Variants in OR2V2 observed in about 807,000 individuals in gnomAD.
OR2V2 encodes the protein olfactory receptor family 2 subfamily V member 2, also known as olfactory receptor 2V2.
For synonymous variants in OR2V2, 161 were observed against 151.3 expected (o/e 1.06, Z -0.47); for missense variants, 392 against 392.2 (o/e 1.00, Z 0.00).
At chr5:181,154,520 G>A (rs6879420) in intron 1 of OR2V2, among the ~76,000 whole-genome samples, 1 of 151,238 alleles carries the variant, frequency 6.6e-6, no homozygotes, top group African/African-American at 2.4e-5. Flanking sequence ...AACCCTGGAG[G>A]GGGAGGTTGC....
Position 181,155,057 on chromosome 5 carries a change from G to T in OR2V2, c.115G>T (p.Ala39Ser), listed in dbSNP as rs1763240648. The T allele has an allele frequency of 1.9e-6, 3 of 1,614,126 alleles. No homozygotes were observed. Among genetic ancestry groups the T allele is most frequent in the Non-Finnish European group, 2.5e-6 (3 of 1,180,012 alleles). ...FSVVMAVFTV[A>S]LCGNVLLIFL... The stretch of plus-strand genomic sequence containing the variant: ...CGTGGTTATGGCGGTCTTCACAGTG[G>T]CCCTCTGTGGGAATGTCCTCCTCAT... The change falls in exon 2 of 2, where the codon GCC becomes TCC. Residue 39 changes from alanine to serine, a missense_variant. Transcript: ENST00000641492.
chr5:181,147,975 C>T lies in OR2V2; in HGVS notation c.-45C>T, dbSNP rs986087725. The T allele has an allele frequency of 2.0e-5, 8 of 398,230 alleles. No individual in the cohort carries two copies. The highest frequency in any genetic ancestry group is 1.7e-4 in the African/African-American group (8 of 48,438). The allele number at this position is 398,230 out of a possible 1,614,324, so 24.7% of individuals were successfully genotyped here. A position where few individuals can be genotyped will look rare whatever the true frequency, so the allele number is the denominator to read the frequency against. ...CAGGTGACTCTGCTGAGTTTGTTCC[C>T]CTGCAGGGACCCACCCACAGGTGAG... On this transcript the variant is annotated 5_prime_UTR_variant, in exon 1 of 2. Transcript: ENST00000641492.
At chr5:181,149,298 A>ATG (rs1554096161) in intron 1 of OR2V2, among the ~76,000 whole-genome samples, 1 of 151,910 alleles carries the variant, frequency 6.6e-6, no homozygotes, top group Non-Finnish European at 1.5e-5. Flanking sequence ...AATGGTTGGG[A>ATG]TGTGTGTGTG....
chr5:181,151,948 G>T (rs1273202290), intron 1 of OR2V2, among the ~76,000 whole-genome samples: 1 of 147,544 alleles, frequency 6.8e-6, no homozygotes, highest in Non-Finnish European at 1.5e-5. Flanking sequence ...ATGCCACTGT[G>T]CTCCAGTCTG....
intron 1 of OR2V2, among the ~76,000 whole-genome samples, chr5:181,148,442 G>A (rs1356386655): frequency 6.6e-6 from 1 of 152,194 alleles, no homozygotes; most frequent in African/African-American, 2.4e-5. Flanking sequence ...CTTCCATGTT[G>A]TGGTTTCTAG....
At position 181,155,115 on chromosome 5, in the gene OR2V2, C is replaced by A. The variant is rs1763241744; in HGVS notation, c.173C>A (p.Thr58Asn). ...ATCTACATGGACCCTCACCTTCACACCCCCATGTACTTCTTCCTCAGCCAG... is the reference window on the plus strand; with the variant it reads ...ATCTACATGGACCCTCACCTTCACAACCCCATGTACTTCTTCCTCAGCCAG... ...FLIYMDPHLH[T>N]PMYFFLSQLS... The change falls in exon 2 of 2, where the codon ACC becomes AAC. Residue 58 changes from threonine (T) to asparagine (N), a missense_variant. Coordinates refer to ENST00000641492, the MANE Select transcript of OR2V2 (RefSeq NM_206880.2). 1 of 1,614,088 alleles carries A rather than the reference C, an allele frequency of 6.2e-7. No homozygotes were observed. Among genetic ancestry groups the A allele is most frequent in the Non-Finnish European group, 8.5e-7 (1 of 1,180,050 alleles).
At position 181,157,631 on chromosome 5, in the gene OR2V2, G is replaced by A. The variant is rs1763282566; in HGVS notation, c.*1741G>A. 6.6e-6 allele frequency: 1 copy of A among 151,938 alleles called. No individual in the cohort carries two copies. The highest frequency in any genetic ancestry group is 2.1e-4 in the South Asian group (1 of 4,810). 9.4% of individuals were successfully genotyped at this position (151,938 alleles called of 1,614,324 possible). A position where few individuals can be genotyped will look rare whatever the true frequency, so the allele number is the denominator to read the frequency against. On this transcript the variant is annotated 3_prime_UTR_variant, in exon 2 of 2. Coordinates refer to ENST00000641492, the MANE Select transcript of OR2V2 (RefSeq NM_206880.2). ...GTAGATGGATCTTAGTGTATTCTGTGACCACTTGCTGATATCACTTAGGTA... is the reference window on the plus strand; with the variant it reads ...GTAGATGGATCTTAGTGTATTCTGTAACCACTTGCTGATATCACTTAGGTA...
At chr5:181,150,262 A>T (rs191698218) in intron 1 of OR2V2, among the ~76,000 whole-genome samples, 1 of 152,326 alleles carries the variant, frequency 6.6e-6, no homozygotes, top group African/African-American at 2.4e-5. Flanking sequence ...GGCGCATAAG[A>T]GTTGAGGACA....
At position 181,157,117 on chromosome 5, in the gene OR2V2, T is replaced by G. The variant is rs571059748; in HGVS notation, c.*1227T>G. ...CTATTTGCAGGACTTGTATCCATCCTTCCAAGCTCTGTACCTGTCCTATTT... is the reference window on the plus strand; with the variant it reads ...CTATTTGCAGGACTTGTATCCATCCGTCCAAGCTCTGTACCTGTCCTATTT... On this transcript the variant is annotated 3_prime_UTR_variant, in exon 2 of 2. Coordinates refer to ENST00000641492, the MANE Select transcript of OR2V2 (RefSeq NM_206880.2). 3 of 152,396 alleles carry G rather than the reference T, an allele frequency of 2.0e-5. No individual in the cohort carries two copies. In the East Asian group the frequency reaches 5.8e-4, roughly 29 times the overall value. 9.4% of individuals were successfully genotyped at this position (152,396 alleles called of 1,614,324 possible).
At position 181,154,905 on chromosome 5, in the gene OR2V2, G is replaced by C. The variant is rs752688822; in HGVS notation, c.-24-14G>C. ...GATGTCAGTCAATGTAACACATCTT[G>C]TCCATATTCTCAGGTGACCAGGAGC... On this transcript the variant is annotated splice_polypyrimidine_tract_variant and intron_variant, in intron 1 of 1. Transcript: ENST00000641492. 1 of 1,366,546 alleles carries C rather than the reference G, an allele frequency of 7.3e-7. No homozygotes were observed. 84.7% of individuals were successfully genotyped at this position (1,366,546 alleles called of 1,614,324 possible).
chr5:181,157,421 T>A lies in OR2V2; in HGVS notation c.*1531T>A, dbSNP rs1427713776. 6.6e-6 allele frequency: 1 copy of A among 152,268 alleles called. No homozygotes were observed. Among genetic ancestry groups the A allele is most frequent in the East Asian group, 1.9e-4 (1 of 5,200 alleles). 9.4% of individuals were successfully genotyped at this position (152,268 alleles called of 1,614,324 possible). On this transcript the variant is annotated 3_prime_UTR_variant, in exon 2 of 2. Transcript: ENST00000641492. ...CTCAAATCGGTAAGTCCCTGCCTCATCGTCCAGTTTTCTTCTTCACCTCCC... is the reference window on the plus strand; with the variant it reads ...CTCAAATCGGTAAGTCCCTGCCTCAACGTCCAGTTTTCTTCTTCACCTCCC...
rs1441178963 is a variant in OR2V2, at chr5:181,156,954, T to C, written c.*1064T>C. 6.6e-6 allele frequency: 1 copy of C among 152,264 alleles called. No homozygotes were observed. The highest frequency in any genetic ancestry group is 1.5e-5 in the Non-Finnish European group (1 of 68,042). The allele number at this position is 152,264 out of a possible 1,614,324, so 9.4% of individuals were successfully genotyped here. ...GTCTCCTCACCACGTCCTAGCAGTG[T>C]GTGCTGCTCTGTGTCAGCTCAGCTT... On this transcript the variant is annotated 3_prime_UTR_variant, in exon 2 of 2. Transcript: ENST00000641492.
At chr5:181,151,624 C>T (rs1434008068) in intron 1 of OR2V2, among the ~76,000 whole-genome samples, 1 of 152,040 alleles carries the variant, frequency 6.6e-6, no homozygotes, top group Non-Finnish European at 1.5e-5. Flanking sequence ...TTTTGTAGGG[C>T]GCGCAGCTGA....
In OR2V2 at chr5:181,155,086, C is replaced by A; in HGVS notation, c.144C>A (p.Phe48Leu). The A allele has an allele frequency of 1.2e-6, 2 of 1,614,194 alleles. No individual in the cohort carries two copies. The highest frequency in any genetic ancestry group is 1.7e-6 in the Non-Finnish European group (2 of 1,180,032). Residue 48 changes from phenylalanine to leucine, a missense_variant, in exon 2 of 2, where the codon TTC becomes TTA. Phe to Leu is a conservative substitution (Grantham distance 22). Coordinates refer to ENST00000641492, the MANE Select transcript of OR2V2 (RefSeq NM_206880.2). ...VALCGNVLLI[F>L]LIYMDPHLHT... The stretch of plus-strand genomic sequence containing the variant: ...TCTGTGGGAATGTCCTCCTCATCTT[C>A]CTCATCTACATGGACCCTCACCTTC...
chr5:181,151,638 A>G (rs958962705), intron 1 of OR2V2, among the ~76,000 whole-genome samples: 7 of 152,134 alleles, frequency 4.6e-5, no homozygotes, highest in Admixed American at 3.3e-4. Flanking sequence ...CAGCTGAAAA[A>G]TACTGCTTGG....
rs1159723537 is a variant in OR2V2, at chr5:181,155,433, T to C, written c.491T>C (p.Val164Ala). ...GATGGCTTGATCCAGATGGTGGTAGTAATGAATTTCCCCTACTGTGGCTTG... is the reference window on the plus strand; with the variant it reads ...GATGGCTTGATCCAGATGGTGGTAGCAATGAATTTCCCCTACTGTGGCTTG... ...IIDGLIQMVV[V>A]MNFPYCGLRK... The change falls in exon 2 of 2, where the codon GTA becomes GCA. Residue 164 changes from valine to alanine, a missense_variant. Coordinates refer to ENST00000641492, the MANE Select transcript of OR2V2 (RefSeq NM_206880.2). 5.0e-6 allele frequency: 8 copies of C among 1,614,212 alleles called. No homozygotes were observed. Among genetic ancestry groups the C allele is most frequent in the African/African-American group, 1.3e-5 (1 of 75,066 alleles).
At position 181,152,979 on chromosome 5, in the gene OR2V2, A is replaced by C. The variant is rs556801629; in HGVS notation, c.-24-1940A>C. Among the ~76,000 whole-genome samples the C allele has an allele frequency of 3.3e-5, 5 of 152,364 alleles. No homozygotes were observed. In the South Asian group the frequency reaches 1.0e-3, roughly 32 times the overall value. On this transcript the variant is annotated intron_variant, in intron 1 of 1. Transcript: ENST00000641492. ...TTTGTTACAAAGCAGTAGGAAACTC[A>C]TACAAAGTTAAGGGAGGAAAAGCGG... is the stretch of plus-strand genomic sequence containing the variant.
At chr5:181,154,533 T>C in intron 1 of OR2V2, among the ~76,000 whole-genome samples, 1 of 147,666 alleles carries the variant, frequency 6.8e-6, no homozygotes, top group Non-Finnish European at 1.5e-5. Flanking sequence ...GAGGTTGCAG[T>C]GAGCAGAGAT....
chr5:181,148,306 G>A (rs938113842), intron 1 of OR2V2, among the ~76,000 whole-genome samples: 7 of 152,126 alleles, frequency 4.6e-5, no homozygotes, highest in African/African-American at 1.7e-4. Context: ...GGGGTGGAGA[G>A]TGGTCCACCG....
Sources: gnomAD v4.1 joint callset for allele counts (sites outside exome capture counted in the v4.1 genomes callset) on GRCh38, gnomAD v4.1.1 for gene constraint, MANE v1.5 for transcripts, NCBI Gene and HGNC (gene_info 2026-07-23, HGNC 2026-07-21) for gene names.